Variants in MORF4L1 observed in about 807,000 individuals in gnomAD.
The protein encoded by MORF4L1 is mortality factor 4-like protein 1.
A neutral mutation model predicts 52.9 loss-of-function variants in MORF4L1; 4 were observed. The observed-to-expected ratio is 0.08, with a 90% CI of 0.04 to 0.17. The LOEUF (loss-of-function observed/expected upper bound fraction) is 0.17, where lower values mean the gene tolerates loss of function less well. MORF4L1 is among the 10% of genes least tolerant of loss of function. MORF4L1 has a pLI of 1.00. For missense variants in MORF4L1, 214 were observed against 390.4 expected (o/e 0.55, Z 3.81); for synonymous variants, 123 against 134.8 (o/e 0.91, Z 0.61).
intron 3 of MORF4L1, chr15:78,885,012 T>A: frequency 6.2e-7 from 1 of 1,614,136 alleles, no homozygotes; most frequent in Non-Finnish European, 8.5e-7. Context: ...TGAAGACACA[T>A]GAGGATATTG....
chr15:78,892,394 T>C (rs2056816206), intron 8 of MORF4L1, 81 bp downstream of exon 8: 2 of 900,466 alleles, frequency 2.2e-6, no homozygotes, highest in Non-Finnish European at 3.6e-6. Flanking sequence ...GAAAATGTTA[T>C]ATTGACTTGA....
chr15:78,878,126 TTAA>T (rs1486637742), intron 1 of MORF4L1, 84 bp from the exon 2 acceptor site: 3 of 1,390,132 alleles, frequency 2.2e-6, no homozygotes, highest in Admixed American at 4.3e-5. Context: ...TAGGAATACC[TTAA>T]TAAAAGTGTG....
chr15:78,878,138 T>C, intron 1 of MORF4L1, 75 bp from the exon 2 acceptor site: 1 of 1,452,306 alleles, frequency 6.9e-7, no homozygotes, highest in Non-Finnish European at 9.4e-7. Context: ...AATAAAAGTG[T>C]GATGACTCTC....
rs2056672307 is a variant in MORF4L1 at position 78,884,915 on chromosome 15, C to G, written c.156-1226C>G. On this transcript the variant is annotated intron_variant, in intron 3 of 11. Coordinates refer to ENST00000426013, the MANE Select transcript of MORF4L1 (RefSeq NM_006791.4). ...AATGAATCTTAATAAAGCTGAGGCT[C>G]AATTCTGCACCTGGTCACTGAGATT... The G allele has an allele frequency of 2.3e-6, 3 of 1,296,238 alleles. No individual in the cohort carries two copies. The East Asian group carries it at 7.4e-5, about 32-fold the overall frequency. The allele number at this position is 1,296,238 out of a possible 1,614,324, so 80.3% of individuals were successfully genotyped here.
chr15:78,897,947 A>T lies in MORF4L1; in HGVS notation c.*880A>T, dbSNP rs1316618592. 1 of 152,030 alleles carries T rather than the reference A, an allele frequency of 6.6e-6. No individual in the cohort carries two copies. The highest frequency in any genetic ancestry group is 2.4e-5 in the African/African-American group (1 of 41,376). The allele number at this position is 152,030 out of a possible 1,614,324, so 9.4% of individuals were successfully genotyped here. Reference sequence around the variant, plus strand: ...AGCTAAAAAGTTAGAAGTTTACATGACTGTTTTTTTTATTTTCCCTAAATT... The same window carrying T: ...AGCTAAAAAGTTAGAAGTTTACATGTCTGTTTTTTTTATTTTCCCTAAATT... On this transcript the variant is annotated 3_prime_UTR_variant, in exon 12 of 12. Coordinates refer to ENST00000426013, the MANE Select transcript of MORF4L1 (RefSeq NM_006791.4).
At chr15:78,889,724 G>A (rs2056766633) in intron 5 of MORF4L1, among the ~76,000 whole-genome samples, 1 of 152,012 alleles carries the variant, frequency 6.6e-6, no homozygotes, top group South Asian at 2.1e-4. Context: ...AGATTTTTGT[G>A]TTTATATCCA....
chr15:78,894,383 A>G (rs907666289), intron 10 of MORF4L1, 153 bp downstream of exon 10: 10 of 554,564 alleles, frequency 1.8e-5, no homozygotes, highest in African/African-American at 1.8e-4. Context: ...CTTTAGGAGC[A>G]AGAGTTTTAA....
intron 3 of MORF4L1, among the ~76,000 whole-genome samples, chr15:78,884,473 G>T (rs2056659800): frequency 6.6e-6 from 1 of 151,352 alleles, no homozygotes; most frequent in East Asian, 2.0e-4. Flanking sequence ...AACCCTGTCT[G>T]TACTAAAAAT....
At chr15:78,895,574 C>A (rs965012222) in intron 11 of MORF4L1, among the ~76,000 whole-genome samples, 2 of 152,194 alleles carry the variant, frequency 1.3e-5, no homozygotes, top group Non-Finnish European at 2.9e-5. Context: ...GGTGAGGTCA[C>A]TCTAAACATA....
At position 78,897,982 on chromosome 15, in the gene MORF4L1, T is replaced by G. The variant is rs1335054743; in HGVS notation, c.*915T>G. 6.6e-6 allele frequency: 1 copy of G among 152,148 alleles called. No homozygotes were observed. Among genetic ancestry groups the G allele is most frequent in the Admixed American group, 6.5e-5 (1 of 15,280 alleles). 9.4% of individuals were successfully genotyped at this position (152,148 alleles called of 1,614,324 possible). A position where few individuals can be genotyped will look rare whatever the true frequency, so the allele number is the denominator to read the frequency against. On this transcript the variant is annotated 3_prime_UTR_variant, in exon 12 of 12. Transcript: ENST00000426013. ...TTATTTTCCCTAAATTATTACTTAC[T>G]CTGAGCATTAATTAAGGGCATTTTC...
intron 3 of MORF4L1, among the ~76,000 whole-genome samples, chr15:78,881,665 C>T (rs1340912693): frequency 6.6e-6 from 1 of 152,084 alleles, no homozygotes; most frequent in Non-Finnish European, 1.5e-5. Context: ...AAAAATTTAC[C>T]CAAGTCTCCT....
intron 1 of MORF4L1, among the ~76,000 whole-genome samples, chr15:78,874,384 T>G (rs2056438145): frequency 2.0e-5 from 3 of 152,096 alleles, no homozygotes; most frequent in Admixed American, 1.3e-4. Flanking sequence ...TGACTTTTTT[T>G]GTTTGTATTT....
chr15:78,881,865 C>T (rs2056609107), intron 3 of MORF4L1, among the ~76,000 whole-genome samples: 1 of 152,158 alleles, frequency 6.6e-6, no homozygotes, highest in African/African-American at 2.4e-5. Context: ...ACTATGGGAT[C>T]AGTGCCATCT....
chr15:78,874,591 T>C (rs1297501472), intron 1 of MORF4L1, among the ~76,000 whole-genome samples: 3 of 145,788 alleles, frequency 2.1e-5, no homozygotes, highest in African/African-American at 5.0e-5. Flanking sequence ...TTCTTTTTTT[T>C]TTTTTTTTTT....
intron 5 of MORF4L1, among the ~76,000 whole-genome samples, chr15:78,888,053 G>A (rs1465566460): frequency 3.9e-5 from 6 of 152,238 alleles, no homozygotes; most frequent in Non-Finnish European, 8.8e-5. Context: ...GATTATAGGC[G>A]TGAGCCACTG....
chr15:78,877,632 T>TA (rs1418475397), intron 1 of MORF4L1: 2 of 152,250 alleles, frequency 1.3e-5, no homozygotes, highest in African/African-American at 2.4e-5. Flanking sequence ...CGTAGACTGT[T>TA]ACGTTCCAAA....
At chr15:78,893,452 A>G in intron 8 of MORF4L1, 87 bp from the exon 9 acceptor site, 1 of 848,796 alleles carries the variant, frequency 1.2e-6, no homozygotes. Flanking sequence ...TGTTACTGTT[A>G]CCTGATCTTT....
chr15:78,882,837 C>T (rs2056627147), intron 3 of MORF4L1, among the ~76,000 whole-genome samples: 1 of 151,684 alleles, frequency 6.6e-6, no homozygotes, highest in African/African-American at 2.4e-5. Flanking sequence ...CTTAGGGAGG[C>T]TGAGGTTGAG....
chr15:78,884,476 C>T (rs56211184), intron 3 of MORF4L1, among the ~76,000 whole-genome samples: 6,590 of 151,598 alleles, frequency 0.043, 474 homozygotes, highest in African/African-American at 0.15. Context: ...CCTGTCTGTA[C>T]TAAAAATACA....
Sources: gnomAD v4.1 joint callset for allele counts (sites outside exome capture counted in the v4.1 genomes callset) on GRCh38, gnomAD v4.1.1 for gene constraint, MANE v1.5 for transcripts, NCBI Gene and HGNC (gene_info 2026-07-23, HGNC 2026-07-21) for gene names.